Variants in GPR137B observed in about 807,000 individuals in gnomAD.
GPR137B encodes the protein G protein-coupled receptor 137B, also known as integral membrane protein GPR137B.
In GPR137B, 42 loss-of-function variants were observed where a neutral mutation model predicts 42.5. The observed-to-expected ratio is 0.99, with a 90% CI of 0.77 to 1.28. The LOEUF (loss-of-function observed/expected upper bound fraction) is 1.28. Among genes scored for constraint, GPR137B ranks in the 50% most tolerant of loss-of-function variants. The pLI is 0.00. For synonymous variants in GPR137B, 218 were observed against 209.7 expected, an observed-to-expected ratio of 1.04 and a Z score of -0.34; for missense variants, 487 against 493.9, an observed-to-expected ratio of 0.99 and a Z score of 0.13.
Position 236,204,725 on chromosome 1 carries a change from A to G in GPR137B, c.967-401A>G, listed in dbSNP as rs115247562. 8.1e-3 allele frequency among the ~76,000 whole-genome samples: 1,230 copies of G among 152,242 alleles called. 17 individuals carry two copies. The highest frequency in any genetic ancestry group is 0.026 in the African/African-American group (1,097 of 41,540). The stretch of plus-strand genomic sequence containing the variant: ...ATTAGGGAGCAGAGAAATTCTAGTT[A>G]GGTAGAATAAAAGACTTGTTATTGG... On this transcript the variant is annotated intron_variant, in intron 5 of 6. Coordinates refer to ENST00000366592, the MANE Select transcript of GPR137B (RefSeq NM_003272.4).
chr1:236,145,515 T>C (rs908522719), intron 1 of GPR137B, among the ~76,000 whole-genome samples: 16 of 152,306 alleles, frequency 1.1e-4, no homozygotes, highest in African/African-American at 3.8e-4. Context: ...TGTGCCACTA[T>C]GCCCAGCTAA....
Position 236,179,974 on chromosome 1 carries a change from T to A in GPR137B, c.783T>A (p.Ser261=). 2 of 1,613,698 alleles carry A rather than the reference T, an allele frequency of 1.2e-6. No homozygotes were observed. Among genetic ancestry groups the A allele is most frequent in the Admixed American group, 1.7e-5 (1 of 60,020 alleles). Reference sequence around the variant, plus strand: ...ACAACCTGTTCATCCTGTCATTTTCTCAGAACAAGAGCGTCCATTCCTTTG... The same window carrying A: ...ACAACCTGTTCATCCTGTCATTTTCACAGAACAAGAGCGTCCATTCCTTTG... ...ACYNLFILSF[S]QNKSVHSFDY... Residue 261 remains serine, a synonymous_variant, in exon 4 of 7, where the codon TCT becomes TCA. Coordinates refer to ENST00000366592, the MANE Select transcript of GPR137B (RefSeq NM_003272.4).
At position 236,208,139 on chromosome 1, in the gene GPR137B, A is replaced by T; in HGVS notation, c.1181A>T (p.Asp394Val). The T allele has an allele frequency of 6.2e-7, 1 of 1,613,984 alleles. No individual in the cohort carries two copies. The highest frequency in any genetic ancestry group is 8.5e-7 in the Non-Finnish European group (1 of 1,179,866). ...TTGCAAGACTCAACTTTGGATCCTG[A>T]CAAACCAAGCCTTGGGTAGCATCAG... ...GTLQDSTLDPDKPSLG is the reference protein window; with the variant it reads ...GTLQDSTLDPVKPSLG The change falls in exon 7 of 7, where the codon GAC (aspartate) becomes GTC (valine). Residue 394 changes from aspartate to valine, a missense_variant. Asp to Val is a radical substitution (Grantham distance 152). Coordinates refer to ENST00000366592, the MANE Select transcript of GPR137B (RefSeq NM_003272.4).
chr1:236,168,775 T>A lies in GPR137B; in HGVS notation c.464+20T>A, dbSNP rs1165817032. The A allele has an allele frequency of 6.5e-7, 1 of 1,548,980 alleles. No homozygotes were observed. The highest frequency in any genetic ancestry group is 2.2e-5 in the East Asian group (1 of 44,534). ...ATACCGGTAAGTACTGCAGGGCATC[T>A]CTTTCTGTGGTAGAAGGGGAAAGTG... is the stretch of plus-strand genomic sequence containing the variant. On this transcript the variant is annotated intron_variant, in intron 2 of 6. Transcript: ENST00000366592.
At chr1:236,162,379 C>T (rs1662227573) in intron 1 of GPR137B, among the ~76,000 whole-genome samples, 1 of 152,162 alleles carries the variant, frequency 6.6e-6, no homozygotes, top group African/African-American at 2.4e-5. Context: ...AATTTGCAGC[C>T]TGACTATACA....
chr1:236,180,235 A>C, intron 4 of GPR137B: 3 of 525,252 alleles, frequency 5.7e-6, no homozygotes, highest in East Asian at 6.4e-5. Context: ...TACAACACAA[A>C]TGCTATGTAA....
At chr1:236,200,598 GTC>G (rs781630958) in intron 5 of GPR137B, among the ~76,000 whole-genome samples, 29 of 152,042 alleles carry the variant, frequency 1.9e-4, no homozygotes, top group Non-Finnish European at 2.2e-4. Context: ...AATAAATAAT[GTC>G]TCTCTTTGTC....
intron 2 of GPR137B, among the ~76,000 whole-genome samples, chr1:236,172,257 A>G (rs529482916): frequency 6.6e-6 from 1 of 152,336 alleles, no homozygotes; most frequent in East Asian, 1.9e-4. Flanking sequence ...CACTAGAGAC[A>G]TTTCAGGCCA....
At chr1:236,195,323 G>C (rs1193366401) in intron 5 of GPR137B, among the ~76,000 whole-genome samples, 2 of 151,022 alleles carry the variant, frequency 1.3e-5, no homozygotes, top group Non-Finnish European at 2.9e-5. Flanking sequence ...GAGTTCAATT[G>C]TTTGAGTTTA....
At chr1:236,163,245 G>C (rs12028570) in intron 1 of GPR137B, among the ~76,000 whole-genome samples, 2 of 152,164 alleles carry the variant, frequency 1.3e-5, no homozygotes, top group African/African-American at 4.8e-5. Flanking sequence ...CACTTGGAAC[G>C]GCTGTATTTA....
chr1:236,170,064 AGAATG>A (rs1334536184), intron 2 of GPR137B, among the ~76,000 whole-genome samples: 2 of 144,942 alleles, frequency 1.4e-5, no homozygotes, highest in East Asian at 4.1e-4. Flanking sequence ...AAAAAAAAAA[AGAATG>A]GTCAGGTTTG....
chr1:236,205,407 A>AC (rs1663627770), intron 6 of GPR137B, among the ~76,000 whole-genome samples, 157 bp downstream of exon 6: 2 of 152,238 alleles, frequency 1.3e-5, no homozygotes. Context: ...TATGTGAAAC[A>AC]TTCAGGAATG....
At chr1:236,151,417 C>CCTTTTTTTTT (rs1405128961) in intron 1 of GPR137B, among the ~76,000 whole-genome samples, 2 of 126,570 alleles carry the variant, frequency 1.6e-5, no homozygotes. Flanking sequence ...GTTGCATATT[C>CCTTTTTTTTT]ATTTTTTTTT....
chr1:236,200,998 CT>C (rs1663478772), intron 5 of GPR137B, among the ~76,000 whole-genome samples: 1 of 151,792 alleles, frequency 6.6e-6, no homozygotes, highest in African/African-American at 2.4e-5. Context: ...ATTAGAACTC[CT>C]TTTAGCATTT....
intron 1 of GPR137B, among the ~76,000 whole-genome samples, chr1:236,157,382 C>G (rs1236067994): frequency 1.3e-5 from 2 of 152,198 alleles, no homozygotes; most frequent in African/African-American, 4.8e-5. Context: ...CGCCACCACG[C>G]CCGGCTAATT....
At chr1:236,149,129 G>A (rs1158354565) in intron 1 of GPR137B, among the ~76,000 whole-genome samples, 3 of 152,172 alleles carry the variant, frequency 2.0e-5, no homozygotes, top group Non-Finnish European at 4.4e-5. Context: ...AGGTCCCCGG[G>A]CTGACCCTGC....
chr1:236,191,943 A>C (rs1325547886), intron 5 of GPR137B, among the ~76,000 whole-genome samples: 1 of 152,138 alleles, frequency 6.6e-6, no homozygotes, highest in African/African-American at 2.4e-5. Flanking sequence ...CCTTCCCCCA[A>C]GTGCTCTGTC....
chr1:236,163,191 A>C (rs2102899754), intron 1 of GPR137B, among the ~76,000 whole-genome samples: 1 of 152,296 alleles, frequency 6.6e-6, no homozygotes, highest in African/African-American at 2.4e-5. Context: ...TGGATTTCAG[A>C]CTTGCATGGG....
At chr1:236,172,975 C>T (rs1489122378) in intron 2 of GPR137B, among the ~76,000 whole-genome samples, 1 of 151,206 alleles carries the variant, frequency 6.6e-6, no homozygotes, top group African/African-American at 2.4e-5. Flanking sequence ...TACAGGTACA[C>T]GCCACCATGC....
Sources: gnomAD v4.1 joint callset for allele counts (sites outside exome capture counted in the v4.1 genomes callset) on GRCh38, gnomAD v4.1.1 for gene constraint, MANE v1.5 for transcripts, NCBI Gene and HGNC (gene_info 2026-07-23, HGNC 2026-07-21) for gene names.